CDH13: variants seen among roughly 807,000 people sequenced by gnomAD.
CDH13 encodes cadherin 13.
CDH13 carries 24 observed loss-of-function variants against 63.8 expected under a neutral mutation model. The observed-to-expected ratio is 0.38, with a 90% confidence interval of 0.27 to 0.53. The LOEUF (loss-of-function observed/expected upper bound fraction) is 0.53. Among genes scored for constraint, CDH13 ranks in the 20% least tolerant of loss-of-function variants. The pLI, the probability that CDH13 is intolerant of heterozygous loss-of-function variation, is 0.85. For missense variants in CDH13, 1,049 were observed against 903.1 expected, an observed-to-expected ratio of 1.16 and a Z score of -2.07; for synonymous variants, 503 against 355.3, an observed-to-expected ratio of 1.42 and a Z score of -4.67.
chr16:83,029,709 G>T (rs1360883421), intron 2 of CDH13, among the ~76,000 whole-genome samples: 1 of 152,152 alleles, frequency 6.6e-6, no homozygotes, highest in Non-Finnish European at 1.5e-5. Flanking sequence ...TGTAGCCTCT[G>T]GGGAAGAGGT....
At chr16:83,182,238 C>G (rs938243565) in intron 4 of CDH13, among the ~76,000 whole-genome samples, 2 of 152,218 alleles carry the variant, frequency 1.3e-5, no homozygotes, top group African/African-American at 4.8e-5. Context: ...TTGTCTCTTT[C>G]TCCTCATCTG....
At chr16:83,116,474 A>G (rs1042130753) in intron 3 of CDH13, among the ~76,000 whole-genome samples, 8 of 152,240 alleles carry the variant, frequency 5.3e-5, no homozygotes, top group Admixed American at 4.6e-4. Flanking sequence ...CTGACCAGTC[A>G]GTGGATGGCG....
At chr16:82,741,545 G>A (rs945148992) in intron 1 of CDH13, among the ~76,000 whole-genome samples, 1 of 152,136 alleles carries the variant, frequency 6.6e-6, no homozygotes, top group African/African-American at 2.4e-5. Flanking sequence ...GAAGATGGGG[G>A]TCCATGCCTC....
chr16:82,702,101 T>A (rs1159499713), intron 1 of CDH13, among the ~76,000 whole-genome samples: 3 of 152,032 alleles, frequency 2.0e-5, no homozygotes, highest in Admixed American at 2.0e-4. Flanking sequence ...AGAACCAGAG[T>A]CCCCTGCTCT....
intron 1 of CDH13, among the ~76,000 whole-genome samples, chr16:82,669,234 G>A (rs1912959415): frequency 6.6e-6 from 1 of 152,158 alleles, no homozygotes; most frequent in South Asian, 2.1e-4. Flanking sequence ...TTGAACATTG[G>A]GTCAGCATGT....
chr16:82,652,705 TG>T (rs1180467721), intron 1 of CDH13, among the ~76,000 whole-genome samples: 2 of 148,734 alleles, frequency 1.3e-5, no homozygotes, highest in Admixed American at 1.3e-4. Flanking sequence ...TACCTAGAAT[TG>T]TTTTTTTTTT....
At chr16:83,710,407 G>C (rs936769469) in intron 10 of CDH13, 3 of 152,214 alleles carry the variant, frequency 2.0e-5, no homozygotes, top group South Asian at 2.1e-4. Context: ...ATGACTGCTA[G>C]AAAAGCTAAG....
chr16:83,465,246 G>A (rs546262655), intron 6 of CDH13, among the ~76,000 whole-genome samples: 7 of 152,340 alleles, frequency 4.6e-5, no homozygotes, highest in African/African-American at 1.7e-4. Flanking sequence ...AGCCAGAAGT[G>A]TTAAGGTGTG....
chr16:82,989,173 T>C (rs1162680168), intron 2 of CDH13, among the ~76,000 whole-genome samples: 2 of 152,152 alleles, frequency 1.3e-5, no homozygotes, highest in South Asian at 2.1e-4. Context: ...ATCCAACTGA[T>C]ACCTGGAACA....
At chr16:82,893,023 T>G (rs1315861108) in intron 2 of CDH13, among the ~76,000 whole-genome samples, 3 of 152,224 alleles carry the variant, frequency 2.0e-5, no homozygotes, top group African/African-American at 7.2e-5. Context: ...CTAAGAAATA[T>G]GCCTTTAATG....
chr16:83,334,396 G>T (rs1275336317), intron 5 of CDH13, among the ~76,000 whole-genome samples: 1 of 85,146 alleles, frequency 1.2e-5, no homozygotes, highest in Non-Finnish European at 2.4e-5. Flanking sequence ...CACACACACA[G>T]AATCTCCCTC....
intron 4 of CDH13, among the ~76,000 whole-genome samples, chr16:83,138,031 C>A (rs1325633669): frequency 1.3e-5 from 2 of 152,014 alleles, no homozygotes; most frequent in African/African-American, 4.8e-5. Context: ...GCTTGGCCCA[C>A]TTCTGCAACC....
chr16:83,279,544 C>T (rs2089097525), intron 5 of CDH13, among the ~76,000 whole-genome samples: 1 of 152,186 alleles, frequency 6.6e-6, no homozygotes, highest in Non-Finnish European at 1.5e-5. Flanking sequence ...TATTAAATCT[C>T]ACCTTAAAGG....
At chr16:83,216,349 T>C (rs2039509207) in intron 4 of CDH13, among the ~76,000 whole-genome samples, 1 of 135,848 alleles carries the variant, frequency 7.4e-6, no homozygotes, top group Non-Finnish European at 1.6e-5. Context: ...ATCTCAGTGG[T>C]TTCATCCATT....
intron 2 of CDH13, chr16:83,022,952 C>G (rs936024821): frequency 1.3e-5 from 2 of 152,224 alleles, no homozygotes; most frequent in South Asian, 4.1e-4. Context: ...TTAAATCCAT[C>G]TGCATTTCAT....
intron 2 of CDH13, among the ~76,000 whole-genome samples, chr16:82,986,534 C>T (rs541037181): frequency 2.0e-5 from 3 of 152,308 alleles, no homozygotes; most frequent in South Asian, 2.1e-4. Context: ...TGTACACACC[C>T]GAGTGTTATC....
intron 5 of CDH13, among the ~76,000 whole-genome samples, chr16:83,330,390 A>T (rs1406587344): frequency 6.6e-6 from 1 of 152,216 alleles, no homozygotes; most frequent in African/African-American, 2.4e-5. Flanking sequence ...ACTGCACGTG[A>T]ATAAAAAATG....
chr16:83,124,948 A>G (rs1402260426), intron 3 of CDH13, among the ~76,000 whole-genome samples: 6 of 152,190 alleles, frequency 3.9e-5, no homozygotes, highest in Non-Finnish European at 7.3e-5. Context: ...AAGTCAGGCA[A>G]TATGATGCAT....
intron 1 of CDH13, among the ~76,000 whole-genome samples, chr16:82,696,793 G>A (rs1288552877): frequency 1.3e-5 from 2 of 152,162 alleles, no homozygotes; most frequent in East Asian, 3.8e-4. Context: ...CAGAAACATT[G>A]CAATGAGGTA....
Sources: gnomAD v4.1 joint callset for allele counts (sites outside exome capture counted in the v4.1 genomes callset) on GRCh38, gnomAD v4.1.1 for gene constraint, MANE v1.5 for transcripts, NCBI Gene and HGNC (gene_info 2026-07-23, HGNC 2026-07-21) for gene names.